The following VWA5A variants were observed in gnomAD, a reference collection of about 807,000 sequenced individuals.
VWA5A encodes the protein von Willebrand factor A domain-containing protein 5A.
VWA5A carries 77 observed loss-of-function variants against 84.6 expected under a neutral mutation model. That is an observed-to-expected ratio of 0.91 (90% CI 0.76 to 1.10). The LOEUF is 1.10. VWA5A is among the 50% of genes least tolerant of loss of function. The pLI is 0.00. For synonymous variants in VWA5A, 334 were observed against 350.1 expected (o/e 0.95, Z 0.51); for missense variants, 973 against 963.0 (o/e 1.01, Z -0.14).
chr11:124,136,676 T>A lies in VWA5A; in HGVS notation c.1625+2T>A, dbSNP rs1334645627. The A allele has an allele frequency of 1.2e-6, 2 of 1,610,506 alleles. No individual in the cohort carries two copies. The highest frequency in any genetic ancestry group is 2.2e-5 in the South Asian group (2 of 90,952). On this transcript the variant is annotated splice_donor_variant, in intron 14 of 18. Coordinates refer to ENST00000456829, the MANE Select transcript of VWA5A (RefSeq NM_001130142.2). LOFTEE classifies it high-confidence loss of function. ...TCTACAACCCAAGCCTGATGTCAAG[T>A]GAGAATTCAGTTTTCCCTTCCTTCC...
intron 18 of VWA5A, 92 bp downstream of exon 18, chr11:124,145,455 C>A: frequency 6.9e-7 from 1 of 1,439,676 alleles, no homozygotes; most frequent in South Asian, 1.6e-5. Context: ...CTGCCTCCAC[C>A]ATCCTGCTTC....
intron 11 of VWA5A, among the ~76,000 whole-genome samples, chr11:124,129,373 C>T (rs1400191497): frequency 2.0e-5 from 3 of 152,090 alleles, no homozygotes; most frequent in Non-Finnish European, 4.4e-5. Context: ...CCGCTGGATT[C>T]GGTTTGCTAG....
In VWA5A at chr11:124,125,725, T is replaced by G. The variant is rs1865009792; in HGVS notation, c.1244+1409T>G. ...TACTTATTTATTTCTATTAGATTGA[T>G]TTTCTTATTGATCTATATAGTTCAT... On this transcript the variant is annotated intron_variant, in intron 11 of 18. Transcript: ENST00000456829. Among the ~76,000 whole-genome samples, 5 of 152,236 alleles carry G rather than the reference T, an allele frequency of 3.3e-5. No homozygotes were observed. The South Asian group carries it at 1.0e-3, about 31-fold the overall frequency.
intron 17 of VWA5A, among the ~76,000 whole-genome samples, chr11:124,143,870 G>T (rs1195691260): frequency 6.6e-6 from 1 of 151,984 alleles, no homozygotes; most frequent in Non-Finnish European, 1.5e-5. Context: ...AATGAATCAA[G>T]TGAACCAACA....
chr11:124,128,622 T>C (rs1257862536), intron 11 of VWA5A, among the ~76,000 whole-genome samples: 1 of 152,212 alleles, frequency 6.6e-6, no homozygotes, highest in Non-Finnish European at 1.5e-5. Flanking sequence ...GAGCATGGAA[T>C]GTTTTTCTAT....
intron 11 of VWA5A, among the ~76,000 whole-genome samples, chr11:124,131,419 G>A (rs1306898834): frequency 6.6e-6 from 1 of 151,952 alleles, no homozygotes; most frequent in African/African-American, 2.4e-5. Context: ...GACTGCAGTG[G>A]ACCGCACATA....
intron 6 of VWA5A, 61 bp downstream of exon 6, chr11:124,118,769 C>G: frequency 6.4e-7 from 1 of 1,553,968 alleles, no homozygotes; most frequent in Non-Finnish European, 8.7e-7. Context: ...TTGACTTGGT[C>G]CCCAACCAGT....
chr11:124,131,340 CTCAGAATGGGATGCAATTTAAAATG>C (rs1565618735), intron 11 of VWA5A, among the ~76,000 whole-genome samples: 1 of 151,970 alleles, frequency 6.6e-6, no homozygotes, highest in Non-Finnish European at 1.5e-5. Flanking sequence ...CATCATGCGA[CTCAGAATGGGATGCAATTTAAAATG>C]TATGAATTGT....
At chr11:124,132,006 G>A (rs1441158430) in intron 11 of VWA5A, among the ~76,000 whole-genome samples, 1 of 151,714 alleles carries the variant, frequency 6.6e-6, no homozygotes, top group African/African-American at 2.4e-5. Flanking sequence ...TTTTATTTCT[G>A]TTTTGAGGGT....
chr11:124,127,376 A>T (rs1258496379), intron 11 of VWA5A, among the ~76,000 whole-genome samples: 1 of 152,170 alleles, frequency 6.6e-6, no homozygotes, highest in African/African-American at 2.4e-5. Flanking sequence ...ATAGTATTCC[A>T]TGGTGCATAT....
At chr11:124,124,502 C>A (rs1864987218) in intron 11 of VWA5A, 186 bp downstream of exon 11, 1 of 1,353,004 alleles carries the variant, frequency 7.4e-7, no homozygotes, top group Non-Finnish European at 9.5e-7. Flanking sequence ...ACATCAACAA[C>A]ACAGCAAAAC....
At position 124,145,354 on chromosome 11, in the gene VWA5A, G is replaced by C; in HGVS notation, c.2272G>C (p.Ala758Pro). 6.2e-7 allele frequency: 1 copy of C among 1,612,584 alleles called. No individual in the cohort carries two copies. The highest frequency in any genetic ancestry group is 1.1e-5 in the South Asian group (1 of 90,828). Residue 758 changes from alanine to proline, a missense_variant, in exon 18 of 19, where the codon GCC (alanine) becomes CCC (proline). Physicochemically the swap from Ala to Pro is conservative, Grantham distance 27. Coordinates refer to ENST00000456829, the MANE Select transcript of VWA5A (RefSeq NM_001130142.2). ...AAGGAAGGCCGTGGCCTGGATGCGT[G>C]CCCATGCAGGTAGGAGCACAATCCT... is the stretch of plus-strand genomic sequence containing the variant. ...LERKAVAWMR[A>P]HAGSTMPSVV... is the part of the protein sequence containing the mutation.
At position 124,145,341 on chromosome 11, in the gene VWA5A, G is replaced by A; in HGVS notation, c.2259G>A (p.Val753=). ...CEWELLERKA[V]AWMRAHAGST... is the part of the protein sequence containing the mutation. The stretch of plus-strand genomic sequence containing the variant: ...GGGAGCTTCTGGAAAGGAAGGCCGT[G>A]GCCTGGATGCGTGCCCATGCAGGTA... The change falls in exon 18 of 19, where the codon GTG becomes GTA. Residue 753 remains valine, a synonymous_variant. Coordinates refer to ENST00000456829, the MANE Select transcript of VWA5A (RefSeq NM_001130142.2). 6.2e-7 allele frequency: 1 copy of A among 1,613,564 alleles called. No individual in the cohort carries two copies. The highest frequency in any genetic ancestry group is 8.5e-7 in the Non-Finnish European group (1 of 1,179,704).
rs112399662 is a variant in VWA5A at position 124,117,414 on chromosome 11, G to T, written c.-15-83G>T. On this transcript the variant is annotated intron_variant, in intron 2 of 18. Transcript: ENST00000456829. ...ATTAACCCTTTGAATGTATTCTTATGCCAGAGAAAGGCACATAAAGTACTG... is the reference window on the plus strand; with the variant it reads ...ATTAACCCTTTGAATGTATTCTTATTCCAGAGAAAGGCACATAAAGTACTG... 8.3e-4 allele frequency: 1,074 copies of T among 1,292,000 alleles called. 15 individuals are homozygous for T. The African/African-American group carries it at 0.014, about 17-fold the overall frequency. The allele number at this position is 1,292,000 out of a possible 1,614,324, so 80.0% of individuals were successfully genotyped here. A position where few individuals can be genotyped will look rare whatever the true frequency, so the allele number is the denominator to read the frequency against.
Position 124,124,236 on chromosome 11 carries a change from G to A in VWA5A, c.1165-1G>A, listed in dbSNP as rs148718169. On this transcript the variant is annotated splice_acceptor_variant, in intron 10 of 18. Transcript: ENST00000456829. LOFTEE classifies it high-confidence loss of function. Reference sequence around the variant, plus strand: ...GATGAACATTTTCTTTCTTTGTATAGCTTTTTGTCTTTACAGATGGAGAAG... The same window carrying A: ...GATGAACATTTTCTTTCTTTGTATAACTTTTTGTCTTTACAGATGGAGAAG... 2 of 1,613,008 alleles carry A rather than the reference G, an allele frequency of 1.2e-6. No homozygotes were observed. Among genetic ancestry groups the A allele is most frequent in the South Asian group, 2.2e-5 (2 of 90,786 alleles).
intron 11 of VWA5A, 56 bp downstream of exon 11, chr11:124,124,372 C>A: frequency 6.3e-7 from 1 of 1,591,170 alleles, no homozygotes; most frequent in South Asian, 1.2e-5. Context: ...CACACAGACT[C>A]TAGTGCTACA....
chr11:124,142,092 AG>A (rs1860740900), intron 16 of VWA5A, among the ~76,000 whole-genome samples: 1 of 152,124 alleles, frequency 6.6e-6, no homozygotes, highest in Non-Finnish European at 1.5e-5. Context: ...CAGCCTAGCT[AG>A]GTTCATTAGG....
rs147657581 is a variant in VWA5A, at chr11:124,123,751, G to A, written c.1111G>A (p.Ala371Thr). The A allele has an allele frequency of 9.3e-5, 150 of 1,609,708 alleles. 1 individual carries two copies. The African/African-American group carries it at 1.5e-3, about 16-fold the overall frequency. ...CGACCTAGGGGGCACTGAAATCTTG[G>A]CACCACTCCAGAACATTTACAGGGG... ...QADLGGTEILAPLQNIYRGPS... is the reference protein window; with the variant it reads ...QADLGGTEILTPLQNIYRGPS... The change falls in exon 10 of 19, where the codon GCA (alanine) becomes ACA (threonine). Residue 371 changes from alanine to threonine, a missense_variant. Ala to Thr is a moderately conservative substitution (Grantham distance 58). Coordinates refer to ENST00000456829, the MANE Select transcript of VWA5A (RefSeq NM_001130142.2).
Position 124,136,359 on chromosome 11 carries a change from G to A in VWA5A, c.1524+66G>A, listed in dbSNP as rs1860585547. ...ACCACATGACCATTCCACTAAAGCTGGTAGGTGGATTTCAATCTCAGCCAG... is the reference window on the plus strand; with the variant it reads ...ACCACATGACCATTCCACTAAAGCTAGTAGGTGGATTTCAATCTCAGCCAG... On this transcript the variant is annotated intron_variant, in intron 13 of 18. Transcript: ENST00000456829. 1.3e-6 allele frequency: 2 copies of A among 1,564,352 alleles called. 1 individual carries two copies. Among genetic ancestry groups the A allele is most frequent in the South Asian group, 2.4e-5 (2 of 84,102 alleles).
Sources: gnomAD v4.1 joint callset for allele counts (sites outside exome capture counted in the v4.1 genomes callset) on GRCh38, gnomAD v4.1.1 for gene constraint, MANE v1.5 for transcripts, NCBI Gene and HGNC (gene_info 2026-07-23, HGNC 2026-07-21) for gene names.